SAMD4A: variants seen among roughly 807,000 people sequenced by gnomAD.
The protein encoded by SAMD4A is protein Smaug homolog 1.
Under a neutral mutation model 81.3 loss-of-function variants are expected in SAMD4A, and 33 were observed. That is an observed-to-expected ratio of 0.41 (90% CI 0.31 to 0.54). SAMD4A has a LOEUF of 0.54. SAMD4A is among the 20% of genes least tolerant of loss of function. The pLI is 0.37. For missense variants in SAMD4A, 854 were observed against 951.1 expected (o/e 0.90, Z 1.34); for synonymous variants, 389 against 382.1 (o/e 1.02, Z -0.21).
chr14:54,724,077 G>A (rs1007042365), intron 3 of SAMD4A, among the ~76,000 whole-genome samples: 1 of 139,404 alleles, frequency 7.2e-6, no homozygotes, highest in Non-Finnish European at 1.6e-5. Flanking sequence ...CTATTCATAG[G>A]ACCCCCACAG....
intron 2 of SAMD4A, among the ~76,000 whole-genome samples, chr14:54,677,495 A>T (rs1004246727): frequency 6.6e-6 from 1 of 152,252 alleles, no homozygotes; most frequent in South Asian, 2.1e-4. Context: ...GGAGAAAATC[A>T]GTGCACTGCC....
intron 8 of SAMD4A, among the ~76,000 whole-genome samples, chr14:54,768,217 C>T (rs1167641294): frequency 4.6e-5 from 7 of 152,146 alleles, no homozygotes; most frequent in African/African-American, 1.7e-4. Flanking sequence ...GAATACTTAA[C>T]GCGATGAACA....
chr14:54,660,689 AAAAG>A (rs1178286040), intron 2 of SAMD4A, among the ~76,000 whole-genome samples: 1 of 152,246 alleles, frequency 6.6e-6, no homozygotes, highest in Non-Finnish European at 1.5e-5. Context: ...AGTTTAAAAA[AAAAG>A]AGAGAGACTG....
chr14:54,646,425 G>A (rs1457970849), intron 2 of SAMD4A, among the ~76,000 whole-genome samples: 2 of 152,200 alleles, frequency 1.3e-5, no homozygotes, highest in East Asian at 3.9e-4. Context: ...GGTGGGCCCC[G>A]CCCTCAGAGT....
At chr14:54,687,051 T>C (rs1411117119) in intron 2 of SAMD4A, among the ~76,000 whole-genome samples, 1 of 152,206 alleles carries the variant, frequency 6.6e-6, no homozygotes, top group Non-Finnish European at 1.5e-5. Flanking sequence ...GTTATACATC[T>C]GCCCTTCCCC....
chr14:54,762,918 G>A (rs1450805479), intron 7 of SAMD4A, among the ~76,000 whole-genome samples: 4 of 150,404 alleles, frequency 2.7e-5, no homozygotes, highest in African/African-American at 4.9e-5. Flanking sequence ...GCAGTGGCGC[G>A]ATCTAGGCTT....
intron 2 of SAMD4A, among the ~76,000 whole-genome samples, chr14:54,568,795 GA>G (rs1226937965): frequency 7.0e-6 from 1 of 142,680 alleles, no homozygotes; most frequent in East Asian, 2.1e-4. Flanking sequence ...GGATCTTGTA[GA>G]AAAAAAGGGT....
chr14:54,685,564 G>A (rs2036245135), intron 2 of SAMD4A: 1 of 400,274 alleles, frequency 2.5e-6, no homozygotes, highest in Non-Finnish European at 5.0e-6. Flanking sequence ...TGTGAACATT[G>A]GTACGCTAGT....
rs539290225 is a variant in SAMD4A, at chr14:54,661,267, AGATT to A, written c.197-40794_197-40791del. On this transcript the variant is annotated intron_variant, in intron 2 of 12. Coordinates refer to ENST00000554335, the MANE Select transcript of SAMD4A (RefSeq NM_015589.6). The stretch of plus-strand genomic sequence containing the variant: ...ATAACTTTACTTACCTTGACTTATT[AGATT>A]AACATAATACAGAACAAAAATTCTT... Among the ~76,000 whole-genome samples, 283 of 152,372 alleles carry A rather than the reference AGATT, an allele frequency of 1.9e-3. 3 individuals carry two copies. Among genetic ancestry groups the A allele is most frequent in the African/African-American group, 6.4e-3 (266 of 41,600 alleles).
intron 2 of SAMD4A, among the ~76,000 whole-genome samples, chr14:54,596,034 C>T (rs2033901992): frequency 3.3e-5 from 5 of 152,146 alleles, no homozygotes; most frequent in Admixed American, 3.3e-4. Context: ...TGGAATTAGA[C>T]TCCCAGGTCT....
chr14:54,598,596 A>G lies in SAMD4A; in HGVS notation c.196+30484A>G, dbSNP rs1485325483. On this transcript the variant is annotated intron_variant, in intron 2 of 12. Transcript: ENST00000554335. ...CTCATTGGACTCTTCCTTAGGAAAAAGTAGATTTGCTGTGTCAAAAGTTAC... is the reference window on the plus strand; with the variant it reads ...CTCATTGGACTCTTCCTTAGGAAAAGGTAGATTTGCTGTGTCAAAAGTTAC... Among the ~76,000 whole-genome samples the G allele has an allele frequency of 4.6e-5, 7 of 152,238 alleles. No homozygotes were observed. In the East Asian group the frequency reaches 1.3e-3, roughly 29 times the overall value.
chr14:54,772,214 A>T (rs545139908), intron 9 of SAMD4A, among the ~76,000 whole-genome samples: 1 of 152,344 alleles, frequency 6.6e-6, no homozygotes, highest in African/African-American at 2.4e-5. Context: ...TTTATCAAAG[A>T]CTTTTCATGC....
intron 3 of SAMD4A, among the ~76,000 whole-genome samples, chr14:54,707,254 C>G (rs979786170): frequency 6.6e-6 from 1 of 151,830 alleles, no homozygotes; most frequent in Non-Finnish European, 1.5e-5. Flanking sequence ...CAGGCATGCA[C>G]CACCACACCC....
chr14:54,696,835 C>T lies in SAMD4A; in HGVS notation c.197-5227C>T, dbSNP rs2036589998. 1.3e-5 allele frequency: 2 copies of T among 152,170 alleles called. 1 individual carries two copies. The highest frequency in any genetic ancestry group is 1.3e-4 in the Admixed American group (2 of 15,278). 9.4% of individuals were successfully genotyped at this position (152,170 alleles called of 1,614,324 possible). On this transcript the variant is annotated intron_variant, in intron 2 of 12. Transcript: ENST00000554335. The stretch of plus-strand genomic sequence containing the variant: ...TAATAGAACTGTTACATCTCTGCTC[C>T]TTATACAGAGAAATAACAAAGAAAA...
intron 3 of SAMD4A, among the ~76,000 whole-genome samples, chr14:54,731,089 G>A (rs2037548544): frequency 6.6e-6 from 1 of 152,126 alleles, no homozygotes. Context: ...AAAATTTGTG[G>A]GATAGAAACT....
intron 2 of SAMD4A, among the ~76,000 whole-genome samples, chr14:54,697,284 A>G (rs1487424216): frequency 2.0e-5 from 3 of 152,206 alleles, no homozygotes; most frequent in Non-Finnish European, 2.9e-5. Flanking sequence ...CTGGCTGGTT[A>G]ATTTGCCACG....
intron 2 of SAMD4A, among the ~76,000 whole-genome samples, chr14:54,594,439 T>C (rs1042358710): frequency 6.6e-6 from 1 of 152,094 alleles, no homozygotes; most frequent in African/African-American, 2.4e-5. Context: ...AAAGCTACTT[T>C]TAAAATTGCA....
intron 2 of SAMD4A, among the ~76,000 whole-genome samples, chr14:54,672,263 G>A (rs137926189): frequency 4.6e-5 from 7 of 151,174 alleles, no homozygotes; most frequent in African/African-American, 1.7e-4. Flanking sequence ...AAATTTTTTC[G>A]AGCCTTGGGA....
At chr14:54,565,874 C>G (rs1467270017), upstream of SAMD4A, among the ~76,000 whole-genome samples, 1 of 152,028 alleles carries the variant, frequency 6.6e-6, no homozygotes, top group Non-Finnish European at 1.5e-5. This position sits in a 1 kb window ranked among gnomAD's most constrained non-coding sequence, Gnocchi z 5.4. Flanking sequence ...TTCTACCCGA[C>G]CCCTCTGCGC....
Sources: allele counts gnomAD v4.1 joint callset (sites outside exome capture counted in the v4.1 genomes callset), GRCh38; gene constraint gnomAD v4.1.1; non-coding constraint Gnocchi (gnomAD v3.1); transcripts MANE v1.5; gene names NCBI Gene and HGNC (gene_info 2026-07-23, HGNC 2026-07-21).